PHF21A: variants seen among roughly 807,000 people sequenced by gnomAD.
PHF21A encodes BHC80a.
A neutral mutation model predicts 82.5 loss-of-function variants in PHF21A; 11 were observed. The ratio of observed to expected loss-of-function variants is 0.13; its 90% CI spans 0.08 to 0.22. PHF21A has a LOEUF of 0.22. PHF21A is among the 10% of genes least tolerant of loss of function. The pLI is 1.00. For synonymous variants in PHF21A, 297 were observed against 302.8 expected (o/e 0.98, Z 0.20); for missense variants, 579 against 837.8 (o/e 0.69, Z 3.81).
chr11:45,946,739 A>G (rs1370866142), intron 14 of PHF21A, among the ~76,000 whole-genome samples: 1 of 152,140 alleles, frequency 6.6e-6, no homozygotes, highest in African/African-American at 2.4e-5. Context: ...CAGCATTCTC[A>G]CAATACTTTA....
At chr11:46,028,851 C>T (rs946522337) in intron 6 of PHF21A, among the ~76,000 whole-genome samples, 3 of 152,168 alleles carry the variant, frequency 2.0e-5, no homozygotes, top group Non-Finnish European at 2.9e-5. Flanking sequence ...GGATTACAGG[C>T]GTGAGCCACC....
intron 2 of PHF21A, among the ~76,000 whole-genome samples, chr11:46,091,879 G>A (rs1009286227): frequency 2.0e-5 from 3 of 152,240 alleles, no homozygotes; most frequent in Admixed American, 2.0e-4. Context: ...TGAATTTCTT[G>A]ACGTTTGAAT....
intron 6 of PHF21A, among the ~76,000 whole-genome samples, chr11:46,061,244 C>T (rs1046978326): frequency 3.3e-5 from 5 of 152,128 alleles, no homozygotes; most frequent in Non-Finnish European, 7.4e-5. Flanking sequence ...TAGCATGATG[C>T]CTCCACCAGC....
At chr11:46,030,569 T>C (rs914046726) in intron 6 of PHF21A, among the ~76,000 whole-genome samples, 2 of 152,236 alleles carry the variant, frequency 1.3e-5, no homozygotes, top group African/African-American at 4.8e-5. Flanking sequence ...GTTCTCTGAA[T>C]GTTACTAAAA....
intron 10 of PHF21A, among the ~76,000 whole-genome samples, chr11:45,962,924 G>A (rs2093198410): frequency 6.6e-6 from 1 of 151,274 alleles, no homozygotes; most frequent in African/African-American, 2.4e-5. Context: ...GAAATTTACT[G>A]CTACAAAAGA....
At chr11:45,949,013 TA>T (rs2091727963) in intron 13 of PHF21A, 67 bp from the exon 14 acceptor site, 2 of 1,232,148 alleles carry the variant, frequency 1.6e-6, no homozygotes, top group South Asian at 2.4e-5. Flanking sequence ...TGGCACAAGC[TA>T]AAGACCAAGC....
At chr11:45,944,698 C>T (rs1488558664) in intron 15 of PHF21A, among the ~76,000 whole-genome samples, 2 of 152,198 alleles carry the variant, frequency 1.3e-5, no homozygotes, top group African/African-American at 4.8e-5. Context: ...CAGATCCTCC[C>T]GAGGCTTCAC....
chr11:45,968,643 G>A (rs940913008), intron 9 of PHF21A, among the ~76,000 whole-genome samples: 4 of 152,112 alleles, frequency 2.6e-5, no homozygotes, highest in African/African-American at 9.7e-5. Flanking sequence ...AAAATAGGCA[G>A]GCAGGCCGGG....
intron 6 of PHF21A, among the ~76,000 whole-genome samples, chr11:45,984,079 G>C (rs1241754697): frequency 6.6e-6 from 1 of 152,074 alleles, no homozygotes; most frequent in Non-Finnish European, 1.5e-5. Context: ...TTATCCTGAA[G>C]CTTTGAGAAA....
chr11:46,081,116 TG>T (rs1026053788), intron 4 of PHF21A, among the ~76,000 whole-genome samples: 3 of 152,186 alleles, frequency 2.0e-5, no homozygotes, highest in African/African-American at 7.2e-5. Flanking sequence ...TAATCTTTGG[TG>T]TATCACTTCA....
Position 45,983,486 on chromosome 11 carries a change from C to T in PHF21A, c.154-3520G>A, listed in dbSNP as rs138078414. 7.3e-3 allele frequency among the ~76,000 whole-genome samples: 1,112 copies of T among 151,804 alleles called. 15 individuals carry two copies. Among genetic ancestry groups the T allele is most frequent in the African/African-American group, 0.025 (1,031 of 41,392 alleles). On this transcript the variant is annotated intron_variant, in intron 6 of 18. Coordinates refer to ENST00000676320, the MANE Select transcript of PHF21A (RefSeq NM_001352027.3). ...CGTGTGTGGTTATACATGTCTGTTG[C>T]TATCTGTGAAAAAAAAAAATTTTTA...
At chr11:45,959,073 A>G (rs1017997243) in intron 10 of PHF21A, among the ~76,000 whole-genome samples, 8 of 152,338 alleles carry the variant, frequency 5.3e-5, no homozygotes, top group Non-Finnish European at 1.2e-4. Context: ...TGACAAAGCC[A>G]GATTTATCCC....
Position 45,934,106 on chromosome 11 carries a change from G to C in PHF21A, c.1908C>G (p.Asp636Glu), listed in dbSNP as rs1324835292. 6.2e-7 allele frequency: 1 copy of C among 1,614,062 alleles called. No individual in the cohort carries two copies. Among genetic ancestry groups the C allele is most frequent in the Admixed American group, 1.7e-5 (1 of 60,004 alleles). The change falls in exon 19 of 19, where the codon GAC becomes GAG. Residue 636 changes from aspartate to glutamate, a missense_variant. Asp to Glu is a conservative substitution (Grantham distance 45). Coordinates refer to ENST00000676320, the MANE Select transcript of PHF21A (RefSeq NM_001352027.3). ...IHGIDLSKPV[D>E]SEATVGAISN... is the part of the protein sequence containing the mutation. ...AGATGGCCCCCACAGTGGCCTCAGA[G>C]TCTACAGGTTTGGAGAGGTCGATGC...
intron 1 of PHF21A, among the ~76,000 whole-genome samples, chr11:46,115,350 A>G (rs1231115497): frequency 6.6e-6 from 1 of 152,218 alleles, no homozygotes; most frequent in Non-Finnish European, 1.5e-5. Context: ...GTCTACTTCA[A>G]CATTTTTACA....
At chr11:46,104,088 C>T (rs550883388) in intron 1 of PHF21A, among the ~76,000 whole-genome samples, 48 of 152,230 alleles carry the variant, frequency 3.2e-4, no homozygotes, top group African/African-American at 1.1e-3. Context: ...AAACATCAGG[C>T]ACCAAATGAG....
chr11:46,082,309 T>C (rs1418594904), intron 4 of PHF21A, among the ~76,000 whole-genome samples: 2 of 152,242 alleles, frequency 1.3e-5, no homozygotes, highest in African/African-American at 4.8e-5. Flanking sequence ...TGTCCCACTA[T>C]TTCGTCAAAT....
chr11:45,963,465 A>G (rs2093244354), intron 10 of PHF21A, among the ~76,000 whole-genome samples: 1 of 151,808 alleles, frequency 6.6e-6, no homozygotes, highest in Non-Finnish European at 1.5e-5. Context: ...CTGTAAGAAT[A>G]TAATCTAAAC....
chr11:45,959,442 ACAT>A (rs2092939198), intron 10 of PHF21A, among the ~76,000 whole-genome samples: 1 of 152,248 alleles, frequency 6.6e-6, no homozygotes, highest in South Asian at 2.1e-4. Flanking sequence ...AACACAGCTA[ACAT>A]CATACTCAAT....
At position 45,933,059 on chromosome 11, in the gene PHF21A, CTCT is replaced by C. The variant is rs1308835831; in HGVS notation, c.*906_*908del. 1.3e-5 allele frequency: 2 copies of C among 152,656 alleles called. No homozygotes were observed. Among genetic ancestry groups the C allele is most frequent in the African/African-American group, 2.4e-5 (1 of 41,478 alleles). The allele number at this position is 152,656 out of a possible 1,614,324, so 9.5% of individuals were successfully genotyped here. ...CGCGTGCTGCTTCACTCAAGATCTT[CTCT>C]TCTTATAAATATAGAAAAGGGATGG... On this transcript the variant is annotated 3_prime_UTR_variant, in exon 19 of 19. Transcript: ENST00000676320.
Sources: allele counts gnomAD v4.1 joint callset (sites outside exome capture counted in the v4.1 genomes callset), GRCh38; gene constraint gnomAD v4.1.1; transcripts MANE v1.5; gene names NCBI Gene and HGNC (gene_info 2026-07-23, HGNC 2026-07-21).